The following EGF variants were observed in gnomAD, a reference collection of about 807,000 sequenced individuals.
EGF encodes epidermal growth factor, also known as pro-epidermal growth factor.
In EGF, 95 loss-of-function variants were observed where a neutral mutation model predicts 143.8. The observed-to-expected ratio is 0.66, with a 90% confidence interval of 0.56 to 0.78. EGF has a LOEUF of 0.78. EGF is among the 30% of genes least tolerant of loss of function. The pLI, the probability that EGF is intolerant of heterozygous loss-of-function variation, is 0.00. For synonymous variants in EGF, 510 were observed against 510.5 expected, an observed-to-expected ratio of 1.00 and a Z score of 0.01; for missense variants, 1,320 against 1,470.9, an observed-to-expected ratio of 0.90 and a Z score of 1.68.
chr4:109,971,164 G>A (rs1203328188), intron 11 of EGF, among the ~76,000 whole-genome samples: 1 of 152,070 alleles, frequency 6.6e-6, no homozygotes, highest in Non-Finnish European at 1.5e-5. Flanking sequence ...AACTGTAATT[G>A]GAACTCAAAG....
At chr4:109,916,341 C>T (rs1008190953) in intron 1 of EGF, among the ~76,000 whole-genome samples, 1 of 152,016 alleles carries the variant, frequency 6.6e-6, no homozygotes, top group African/African-American at 2.4e-5. Context: ...TCCAAATATT[C>T]AGTGGTGTTT....
Position 109,986,748 on chromosome 4 carries a change from GA to G in EGF, c.2492-984del, listed in dbSNP as rs199713631. On this transcript the variant is annotated intron_variant, in intron 16 of 23. Coordinates refer to ENST00000265171, the MANE Select transcript of EGF (RefSeq NM_001963.6). Reference sequence around the variant, plus strand: ...GAATGATTACATACATAAGTAAAGAGAAAAAAAAAAAACCTGCTCATGTTTA... The same window carrying G: ...GAATGATTACATACATAAGTAAAGAGAAAAAAAAAAACCTGCTCATGTTTA... Among the ~76,000 whole-genome samples, 655 of 141,174 alleles carry G rather than the reference GA, an allele frequency of 4.6e-3. 1 individual carries two copies. Among genetic ancestry groups the G allele is most frequent in the African/African-American group, 0.01 (399 of 39,260 alleles). 92.6% of individuals were successfully genotyped at this position (141,174 alleles called of 152,430 possible). A position where few individuals can be genotyped will look rare whatever the true frequency, so the allele number is the denominator to read the frequency against.
chr4:109,919,161 G>A (rs1318891584), intron 1 of EGF, among the ~76,000 whole-genome samples: 1 of 152,194 alleles, frequency 6.6e-6, no homozygotes, highest in African/African-American at 2.4e-5. Context: ...ACTCCTTTGA[G>A]AATTTCTGGC....
intron 21 of EGF, among the ~76,000 whole-genome samples, chr4:110,000,898 G>A (rs1752492650): frequency 6.6e-6 from 1 of 152,144 alleles, no homozygotes; most frequent in South Asian, 2.1e-4. Context: ...TGACTAATAG[G>A]TCCCAATTCT....
Position 109,974,767 on chromosome 4 carries a change from A to C in EGF, c.1789A>C (p.Ile597Leu), listed in dbSNP as rs41482245. 2.5e-6 allele frequency: 4 copies of C among 1,613,560 alleles called. No homozygotes were observed. The Admixed American group carries it at 5.0e-5, about 20-fold the overall frequency. Reference sequence around the variant, plus strand: ...TTCCAAAATAATCACTAAGGAGAACATCTCTCAACCACGAGGAATTGCTGT... The same window carrying C: ...TTCCAAAATAATCACTAAGGAGAACCTCTCTCAACCACGAGGAATTGCTGT... ...KRSKIITKEN[I>L]SQPRGIAVHP... Residue 597 changes from isoleucine to leucine, a missense_variant, in exon 12 of 24, where the codon ATC (isoleucine) becomes CTC (leucine). Around this residue, in one of 5 missense-constraint regions of EGF, gnomAD observed 1,186 missense variants for 1,313.7 expected, o/e 0.90. Transcript: ENST00000265171.
chr4:109,941,600 A>T (rs1741942060), intron 2 of EGF, among the ~76,000 whole-genome samples: 1 of 152,168 alleles, frequency 6.6e-6, no homozygotes, highest in African/African-American at 2.4e-5. Flanking sequence ...GAGGCCTGGG[A>T]TGCTGCAAAA....
intron 23 of EGF, among the ~76,000 whole-genome samples, chr4:110,009,474 C>T (rs898424069): frequency 5.9e-5 from 9 of 152,114 alleles, no homozygotes; most frequent in Admixed American, 4.6e-4. Flanking sequence ...AATAGCACAA[C>T]GATTTTACAG....
chr4:110,001,901 C>T, intron 21 of EGF: 1 of 985,288 alleles, frequency 1.0e-6, no homozygotes, highest in Non-Finnish European at 1.2e-6. Context: ...GGTTATTTAC[C>T]TAACAATTCT....
chr4:110,004,703 C>G, intron 22 of EGF, 81 bp downstream of exon 22: 1 of 1,083,200 alleles, frequency 9.2e-7, no homozygotes, highest in Middle Eastern at 2.4e-4. Flanking sequence ...TCACTGAGTT[C>G]AGAATGACTG....
intron 1 of EGF, among the ~76,000 whole-genome samples, chr4:109,931,099 C>T (rs1296483870): frequency 2.0e-5 from 3 of 152,218 alleles, no homozygotes; most frequent in African/African-American, 7.2e-5. Flanking sequence ...ACATTCAAAT[C>T]CACAGACTGT....
chr4:109,982,804 T>G, intron 15 of EGF, among the ~76,000 whole-genome samples: 1 of 152,162 alleles, frequency 6.6e-6, no homozygotes, highest in East Asian at 1.9e-4. Context: ...GTTAACTTTA[T>G]AGTATTATTA....
chr4:109,932,095 A>G (rs1739805424), intron 1 of EGF, among the ~76,000 whole-genome samples: 1 of 151,866 alleles, frequency 6.6e-6, no homozygotes, highest in East Asian at 1.9e-4. Flanking sequence ...TGTTATTATT[A>G]TTGCTGTTAG....
chr4:109,970,612 G>T (rs923308620), intron 11 of EGF, among the ~76,000 whole-genome samples: 2 of 151,986 alleles, frequency 1.3e-5, no homozygotes, highest in African/African-American at 4.8e-5. Context: ...AGATCACAAG[G>T]TCAGGAGATC....
chr4:109,959,125 A>G (rs1745265162), intron 5 of EGF, 187 bp from the exon 6 acceptor site: 1 of 784,162 alleles, frequency 1.3e-6, no homozygotes, highest in African/African-American at 1.7e-5. Flanking sequence ...TGGAGAAGTA[A>G]TACAATTGGA....
rs976447634 is a variant in EGF, at chr4:109,935,977, G to A, written c.128-4969G>A. Among the ~76,000 whole-genome samples, 3 of 152,250 alleles carry A rather than the reference G, an allele frequency of 2.0e-5. No individual in the cohort carries two copies. The South Asian group carries it at 6.2e-4, about 32-fold the overall frequency. On this transcript the variant is annotated intron_variant, in intron 1 of 23. Coordinates refer to ENST00000265171, the MANE Select transcript of EGF (RefSeq NM_001963.6). ...TTTTATTGAGGATTTTCATGTCAAT[G>A]TTCATCAGGGATATTGGCCTAAAAT... is the stretch of plus-strand genomic sequence containing the variant.
intron 16 of EGF, among the ~76,000 whole-genome samples, chr4:109,985,400 T>C (rs560871149): frequency 6.6e-6 from 1 of 152,362 alleles, no homozygotes; most frequent in East Asian, 1.9e-4. Flanking sequence ...TAGAGTATAA[T>C]CTAAAATTCT....
chr4:109,979,288 G>A (rs1748962599), intron 13 of EGF, among the ~76,000 whole-genome samples: 1 of 152,100 alleles, frequency 6.6e-6, no homozygotes, highest in Non-Finnish European at 1.5e-5. Flanking sequence ...TGGGAGAGAG[G>A]TTATAGTAGA....
intron 18 of EGF, 114 bp downstream of exon 18, chr4:109,988,823 C>T (rs1750535893): frequency 6.6e-7 from 1 of 1,509,928 alleles, no homozygotes. Context: ...ACACACATGT[C>T]AAGATTTAAA....
Position 110,003,960 on chromosome 4 carries a change from T to G in EGF, c.3174-545T>G, listed in dbSNP as rs576406800. The stretch of plus-strand genomic sequence containing the variant: ...GACTTCTTACACTACCCTTGGTAGC[T>G]GTGTGCCTTAGGTGAGTCACTGCCA... On this transcript the variant is annotated intron_variant, in intron 21 of 23. Transcript: ENST00000265171. Among the ~76,000 whole-genome samples the G allele has an allele frequency of 2.0e-5, 3 of 152,276 alleles. 1 individual carries two copies. In the South Asian group the frequency reaches 6.2e-4, roughly 32 times the overall value.
Sources: gnomAD v4.1 joint callset for allele counts (sites outside exome capture counted in the v4.1 genomes callset) on GRCh38, gnomAD v4.1.1 for gene constraint, gnomAD v4.1.1 regional missense constraint, MANE v1.5 for transcripts, NCBI Gene and HGNC (gene_info 2026-07-23, HGNC 2026-07-21) for gene names.